TMEM232: variants seen among roughly 807,000 people sequenced by gnomAD.
The protein encoded by TMEM232 is transmembrane protein 232.
Under a neutral mutation model 78.8 loss-of-function variants are expected in TMEM232, and 80 were observed. That is an observed-to-expected ratio of 1.01 (90% CI 0.85 to 1.22). TMEM232 has a LOEUF of 1.22. TMEM232 is among the 50% of genes most tolerant of loss of function. TMEM232 has a pLI of 0.00. For missense variants in TMEM232, 881 were observed against 742.2 expected (o/e 1.19, Z -2.17); for synonymous variants, 297 against 254.3 (o/e 1.17, Z -1.60).
downstream of TMEM232, among the ~76,000 whole-genome samples, chr5:110,415,310 C>A (rs1561463827): frequency 6.6e-6 from 1 of 151,884 alleles, no homozygotes; most frequent in Non-Finnish European, 1.5e-5. Context: ...GCCTCAGCCT[C>A]CCGAGTAGCT....
chr5:110,407,960 C>T (rs1232184967), intron 2 of TMEM232, among the ~76,000 whole-genome samples: 1 of 152,042 alleles, frequency 6.6e-6, no homozygotes, highest in Non-Finnish European at 1.5e-5. Context: ...GGAAATTAAA[C>T]AGCATGCTCC....
chr5:110,664,299 A>G (rs1038318888), intron 2 of TMEM232, among the ~76,000 whole-genome samples: 1 of 152,234 alleles, frequency 6.6e-6, no homozygotes, highest in Non-Finnish European at 1.5e-5. Context: ...AAAATGAAGA[A>G]TATACATAAT....
intron 1 of TMEM232, among the ~76,000 whole-genome samples, chr5:110,707,438 C>A (rs1796035687): frequency 6.6e-6 from 1 of 152,214 alleles, no homozygotes; most frequent in Non-Finnish European, 1.5e-5. Context: ...ACAGCCAGAA[C>A]CTGTGCATGA....
At chr5:110,597,098 T>C (rs961444308) in intron 10 of TMEM232, among the ~76,000 whole-genome samples, 10 of 152,144 alleles carry the variant, frequency 6.6e-5, no homozygotes, top group Non-Finnish European at 1.3e-4. Flanking sequence ...GACGACATGA[T>C]TGTATATCTA....
chr5:110,475,493 T>C (rs1330566950), intron 12 of TMEM232, among the ~76,000 whole-genome samples: 1 of 148,158 alleles, frequency 6.7e-6, no homozygotes, highest in African/African-American at 2.5e-5. Flanking sequence ...CTCAATATAT[T>C]GGACATCAAA....
intron 11 of TMEM232, among the ~76,000 whole-genome samples, chr5:110,553,776 G>A (rs1406162315): frequency 6.6e-6 from 1 of 152,098 alleles, no homozygotes. Flanking sequence ...TAGTGACAGT[G>A]GGCATCCTTG....
At chr5:110,480,009 T>C (rs963263225) in intron 12 of TMEM232, among the ~76,000 whole-genome samples, 1 of 151,920 alleles carries the variant, frequency 6.6e-6, no homozygotes, top group Non-Finnish European at 1.5e-5. Flanking sequence ...TTGATGGTAT[T>C]AACACTAGTT....
intron 2 of TMEM232, among the ~76,000 whole-genome samples, chr5:110,732,322 G>T (rs1042913883): frequency 6.6e-6 from 1 of 152,030 alleles, no homozygotes; most frequent in Non-Finnish European, 1.5e-5. Flanking sequence ...TTCCAAAGTC[G>T]CTTCCACATT....
rs114501611 is a variant in TMEM232 at position 110,679,553 on chromosome 5, C to A, written c.-12-12189G>T. On this transcript the variant is annotated intron_variant, in intron 1 of 13. Transcript: ENST00000455884. ...GAAGTCGACCTTATCAATTTTTTTT[C>A]ATAGAACATGTATTTGGTGTCATAT... is the stretch of plus-strand genomic sequence containing the variant. 4.5e-3 allele frequency among the ~76,000 whole-genome samples: 692 copies of A among 152,118 alleles called. 6 individuals are homozygous for A. Among genetic ancestry groups the A allele is most frequent in the African/African-American group, 0.016 (655 of 41,516 alleles).
At chr5:110,463,668 T>C (rs1580784775) in intron 12 of TMEM232, among the ~76,000 whole-genome samples, 2 of 152,210 alleles carry the variant, frequency 1.3e-5, no homozygotes, top group East Asian at 3.9e-4. Flanking sequence ...TTGCTGAGTC[T>C]AAAAACATGA....
At chr5:110,675,485 C>T (rs911001759) in intron 1 of TMEM232, among the ~76,000 whole-genome samples, 2 of 151,970 alleles carry the variant, frequency 1.3e-5, no homozygotes, top group Non-Finnish European at 2.9e-5. Flanking sequence ...ACGACAAAGA[C>T]GAAATTAAAA....
intron 1 of TMEM232, among the ~76,000 whole-genome samples, chr5:110,724,451 G>T (rs1561573328): frequency 6.6e-6 from 1 of 152,126 alleles, no homozygotes; most frequent in Non-Finnish European, 1.5e-5. Context: ...CTCATTTCAG[G>T]TCCCTAAACA....
At chr5:110,663,564 T>C (rs915778415) in intron 2 of TMEM232, among the ~76,000 whole-genome samples, 4 of 151,790 alleles carry the variant, frequency 2.6e-5, no homozygotes, top group Non-Finnish European at 5.9e-5. Context: ...ATTAAGAAAA[T>C]TTTATAAATA....
intron 12 of TMEM232, among the ~76,000 whole-genome samples, chr5:110,435,058 T>C (rs139816933): frequency 6.6e-6 from 1 of 151,924 alleles, no homozygotes; most frequent in Admixed American, 6.6e-5. Flanking sequence ...CCGATTCAAC[T>C]GGAAGTCTTA....
At chr5:110,520,586 T>C (rs186466330) in intron 12 of TMEM232, among the ~76,000 whole-genome samples, 1 of 152,330 alleles carries the variant, frequency 6.6e-6, no homozygotes, top group African/African-American at 2.4e-5. Flanking sequence ...TGTTCCATCC[T>C]GTATTGCTGC....
rs867369785 is a variant in TMEM232 at position 110,433,985 on chromosome 5, T to C, written c.1704-9069A>G. ...CCAGATTTTGGTATCAGGATGATAC[T>C]AGTATTATAGAATGAGTTAAGGAGG... is the stretch of plus-strand genomic sequence containing the variant. On this transcript the variant is annotated intron_variant, in intron 12 of 13. Coordinates refer to ENST00000455884, the MANE Select transcript of TMEM232 (RefSeq NM_001039763.4). 2.6e-5 allele frequency among the ~76,000 whole-genome samples: 4 copies of C among 152,142 alleles called. No individual in the cohort carries two copies. The South Asian group carries it at 8.3e-4, about 31-fold the overall frequency.
chr5:110,595,912 G>C (rs1780102627), intron 10 of TMEM232, among the ~76,000 whole-genome samples: 1 of 152,020 alleles, frequency 6.6e-6, no homozygotes, highest in Non-Finnish European at 1.5e-5. Flanking sequence ...TGCAAATTCA[G>C]GAAATACAGA....
chr5:110,619,517 G>A (rs575366417), intron 7 of TMEM232, among the ~76,000 whole-genome samples: 3 of 152,246 alleles, frequency 2.0e-5, no homozygotes, highest in Non-Finnish European at 4.4e-5. Flanking sequence ...TCTGTACAAA[G>A]CTACTGATTC....
At chr5:110,517,988 T>C (rs960891344) in intron 12 of TMEM232, among the ~76,000 whole-genome samples, 1 of 152,218 alleles carries the variant, frequency 6.6e-6, no homozygotes, top group African/African-American at 2.4e-5. Context: ...CACATCCTTT[T>C]ATTTGTACCT....
Sources: allele counts gnomAD v4.1 joint callset (sites outside exome capture counted in the v4.1 genomes callset), GRCh38; gene constraint gnomAD v4.1.1; transcripts MANE v1.5; gene names NCBI Gene and HGNC (gene_info 2026-07-23, HGNC 2026-07-21).